Variants in PCNX2 observed in about 807,000 individuals in gnomAD.
PCNX2 encodes pecanex 2.
PCNX2 carries 168 observed loss-of-function variants against 223.8 expected under a neutral mutation model. The ratio of observed to expected loss-of-function variants is 0.75; its 90% CI spans 0.66 to 0.85. The LOEUF is 0.85. PCNX2 is among the 40% of genes least tolerant of loss of function. The pLI, the probability that PCNX2 is intolerant of heterozygous loss-of-function variation, is 0.00. For missense variants in PCNX2, 2,507 were observed against 2,675.5 expected (o/e 0.94, Z 1.39); for synonymous variants, 1,006 against 1,052.6 (o/e 0.96, Z 0.86).
chr1:233,190,301 G>A (rs939391211), intron 15 of PCNX2, among the ~76,000 whole-genome samples: 1 of 152,124 alleles, frequency 6.6e-6, no homozygotes, highest in Non-Finnish European at 1.5e-5. Flanking sequence ...TCACGGCTCT[G>A]GGTAAGTGGG....
rs557002043 is a variant in PCNX2 at position 233,051,732 on chromosome 1, C to T, written c.4351+2536G>A. On this transcript the variant is annotated intron_variant, in intron 25 of 33. Transcript: ENST00000258229. Reference sequence around the variant, plus strand: ...AGAAAAGGGGACAAAGGTTGAAAAACTGTTGAGTCCTATGAGCAGTACCTC... The same window carrying T: ...AGAAAAGGGGACAAAGGTTGAAAAATTGTTGAGTCCTATGAGCAGTACCTC... 2.6e-5 allele frequency among the ~76,000 whole-genome samples: 4 copies of T among 152,248 alleles called. No individual in the cohort carries two copies. The South Asian group carries it at 8.3e-4, about 32-fold the overall frequency.
chr1:233,255,265 A>C (rs1393889373), intron 5 of PCNX2, among the ~76,000 whole-genome samples: 1 of 152,144 alleles, frequency 6.6e-6, no homozygotes, highest in Non-Finnish European at 1.5e-5. Context: ...ACTTAGGACC[A>C]CCCAAAGAAA....
intron 21 of PCNX2, among the ~76,000 whole-genome samples, chr1:233,106,840 C>T (rs966368927): frequency 2.0e-5 from 3 of 152,118 alleles, no homozygotes; most frequent in African/African-American, 7.2e-5. Context: ...CTTCTGCATA[C>T]CTCTCTGGAT....
chr1:233,306,702 C>G, the PCNX2 span, among the ~76,000 whole-genome samples: 2 of 152,124 alleles, frequency 1.3e-5, no homozygotes, highest in Non-Finnish European at 2.9e-5. Context: ...GGTATCTGAC[C>G]ACCTTCACAT....
At chr1:233,211,540 A>C (rs544234278) in intron 12 of PCNX2, among the ~76,000 whole-genome samples, 2 of 152,242 alleles carry the variant, frequency 1.3e-5, no homozygotes, top group African/African-American at 4.8e-5. Flanking sequence ...AAGTGTATTC[A>C]TGTAGCGAAC....
At chr1:233,311,161 C>T in the PCNX2 span, among the ~76,000 whole-genome samples, 1 of 152,184 alleles carries the variant, frequency 6.6e-6, no homozygotes, top group African/African-American at 2.4e-5. Flanking sequence ...TGTTAAGCAA[C>T]TAAATTGTAG....
chr1:233,254,535 T>C (rs1237949740), intron 5 of PCNX2, among the ~76,000 whole-genome samples: 6 of 152,154 alleles, frequency 3.9e-5, no homozygotes, highest in Non-Finnish European at 8.8e-5. Context: ...AAAAAATACA[T>C]TTATAGAAAT....
rs529132124 is a variant in PCNX2 at position 233,001,170 on chromosome 1, C to T, written c.5097+367G>A. On this transcript the variant is annotated intron_variant, in intron 29 of 33. Coordinates refer to ENST00000258229, the MANE Select transcript of PCNX2 (RefSeq NM_014801.4). The surrounding 1 kb of genome is among the most constrained non-coding windows in gnomAD (Gnocchi z 4.2). ...CACCTTAACCTCCCGAGTAGCTGAG[C>T]GATAGTTTTTTCTAAAAAAATAGGT... Among the ~76,000 whole-genome samples, 4 of 152,080 alleles carry T rather than the reference C, an allele frequency of 2.6e-5. No homozygotes were observed. The highest frequency in any genetic ancestry group is 1.9e-4 in the East Asian group (1 of 5,140).
intron 17 of PCNX2, among the ~76,000 whole-genome samples, chr1:233,164,790 A>C (rs1678692209): frequency 6.6e-6 from 1 of 152,128 alleles, no homozygotes; most frequent in Non-Finnish European, 1.5e-5. Flanking sequence ...AGAAAGACAA[A>C]TACCACTGAG....
At chr1:233,088,300 G>T (rs1427701972) in intron 23 of PCNX2, among the ~76,000 whole-genome samples, 2 of 152,156 alleles carry the variant, frequency 1.3e-5, no homozygotes, top group African/African-American at 2.4e-5. Flanking sequence ...GAGAATAGGA[G>T]GCAAAAAGAA....
At chr1:233,239,423 A>AAAT (rs527758414) in intron 8 of PCNX2, among the ~76,000 whole-genome samples, 73 of 152,234 alleles carry the variant, frequency 4.8e-4, no homozygotes, top group African/African-American at 1.7e-3. Flanking sequence ...TCAGATTGTA[A>AAAT]AATAATAATA....
chr1:233,090,924 C>T (rs1349802693), intron 22 of PCNX2, among the ~76,000 whole-genome samples: 1 of 152,162 alleles, frequency 6.6e-6, no homozygotes, highest in Non-Finnish European at 1.5e-5. Context: ...TTGGCTTAAG[C>T]CCAATGGATC....
At chr1:233,222,774 A>G (rs1374257535) in intron 10 of PCNX2, among the ~76,000 whole-genome samples, 2 of 152,208 alleles carry the variant, frequency 1.3e-5, no homozygotes, top group Non-Finnish European at 2.9e-5. Context: ...CAGAGAAACC[A>G]GAAGGATGGA....
intron 22 of PCNX2, among the ~76,000 whole-genome samples, chr1:233,093,155 A>G (rs149945463): frequency 6.6e-6 from 1 of 152,348 alleles, no homozygotes; most frequent in East Asian, 1.9e-4. Flanking sequence ...AGAAGGATGC[A>G]CCAAGTAGAA....
intron 32 of PCNX2, among the ~76,000 whole-genome samples, chr1:232,995,596 T>A (rs1669848211): frequency 6.6e-6 from 1 of 152,144 alleles, no homozygotes; most frequent in Non-Finnish European, 1.5e-5. Flanking sequence ...GGGAAACCCA[T>A]GATTTTTGTT....
At chr1:233,052,854 C>A (rs1558189466) in intron 25 of PCNX2, among the ~76,000 whole-genome samples, 1 of 152,052 alleles carries the variant, frequency 6.6e-6, no homozygotes. Flanking sequence ...AGTAAACACA[C>A]CTCTGCCCAT....
At chr1:233,005,144 C>T (rs3766491) in intron 28 of PCNX2, among the ~76,000 whole-genome samples, 8,901 of 152,232 alleles carry the variant, frequency 0.058, 375 homozygotes, top group South Asian at 0.16. Context: ...AATGAGAGAG[C>T]TAACTCCTGA....
intron 19 of PCNX2, among the ~76,000 whole-genome samples, chr1:233,155,707 G>C (rs564656290): frequency 4.4e-4 from 67 of 152,172 alleles, no homozygotes; most frequent in South Asian, 3.9e-3. Flanking sequence ...CCCAATATTT[G>C]CTTTTTGAAA....
intron 32 of PCNX2, 121 bp downstream of exon 32, chr1:232,998,130 A>G: frequency 9.5e-7 from 1 of 1,050,012 alleles, no homozygotes; most frequent in Non-Finnish European, 1.3e-6. Context: ...AATTTCCGGC[A>G]TCTATTGTCC....
Sources: allele counts gnomAD v4.1 joint callset (sites outside exome capture counted in the v4.1 genomes callset), GRCh38; gene constraint gnomAD v4.1.1; non-coding constraint Gnocchi (gnomAD v3.1); transcripts MANE v1.5; gene names NCBI Gene and HGNC (gene_info 2026-07-23, HGNC 2026-07-21).